Variants in FARS2 observed in about 807,000 individuals in gnomAD.
The protein encoded by FARS2 is phenylalanyl-tRNA synthetase 2, mitochondrial, also known as phenylalanine--tRNA ligase, mitochondrial.
Under a neutral mutation model 46.4 loss-of-function variants are expected in FARS2, and 40 were observed. The observed-to-expected ratio is 0.86, with a 90% CI of 0.67 to 1.12. The LOEUF is 1.12. Among genes scored for constraint, FARS2 ranks in the 50% most tolerant of loss-of-function variants. FARS2 has a pLI of 0.00. For missense variants in FARS2, 513 were observed against 567.9 expected (o/e 0.90, Z 0.98); for synonymous variants, 234 against 214.9 (o/e 1.09, Z -0.78).
intron 6 of FARS2, among the ~76,000 whole-genome samples, chr6:5,763,266 A>G (rs1263126344): frequency 6.6e-6 from 1 of 152,166 alleles, no homozygotes; most frequent in Non-Finnish European, 1.5e-5. Flanking sequence ...GGCCTGGGCA[A>G]CATAGCGAGA....
chr6:5,604,771 T>C (rs932557135), intron 5 of FARS2, among the ~76,000 whole-genome samples: 5 of 80,118 alleles, frequency 6.2e-5, no homozygotes, highest in Middle Eastern at 0.01. Flanking sequence ...TAAAGTATGA[T>C]TTTTTGTATT....
At chr6:5,621,067 G>A (rs935510585) in intron 6 of FARS2, among the ~76,000 whole-genome samples, 3 of 152,168 alleles carry the variant, frequency 2.0e-5, no homozygotes, top group Non-Finnish European at 2.9e-5. Context: ...GAAAACATTG[G>A]GCTAATTGCT....
intron 4 of FARS2, among the ~76,000 whole-genome samples, chr6:5,502,352 A>G (rs1302338099): frequency 6.6e-6 from 1 of 152,242 alleles, no homozygotes; most frequent in African/African-American, 2.4e-5. Flanking sequence ...GTCACATTTT[A>G]TAGGGTATAC....
intron 1 of FARS2, among the ~76,000 whole-genome samples, chr6:5,262,504 C>G (rs925778119): frequency 2.4e-4 from 37 of 152,170 alleles, no homozygotes; most frequent in Non-Finnish European, 1.8e-4. Context: ...GTCTCGAACT[C>G]CTGACCTCAG....
At chr6:5,340,540 A>G (rs1341147610) in intron 1 of FARS2, among the ~76,000 whole-genome samples, 1 of 152,234 alleles carries the variant, frequency 6.6e-6, no homozygotes, top group Admixed American at 6.5e-5. Flanking sequence ...TTCCTTAAAA[A>G]TCAATCAGAA....
At chr6:5,745,526 A>T (rs1761586130) in intron 6 of FARS2, among the ~76,000 whole-genome samples, 1 of 152,202 alleles carries the variant, frequency 6.6e-6, no homozygotes, top group Non-Finnish European at 1.5e-5. Context: ...CAAAGAAGAG[A>T]ATAAATCAAT....
chr6:5,384,212 C>A (rs773525674), intron 2 of FARS2, among the ~76,000 whole-genome samples: 5 of 152,128 alleles, frequency 3.3e-5, no homozygotes, highest in Non-Finnish European at 5.9e-5. Context: ...TCTGTAGAGG[C>A]CAGAGCTTGG....
intron 6 of FARS2, among the ~76,000 whole-genome samples, chr6:5,680,193 T>G (rs1192534192): frequency 1.1e-4 from 16 of 152,226 alleles, no homozygotes; most frequent in Admixed American, 7.2e-4. Flanking sequence ...AGAGCACTTG[T>G]GTGTGCTTGG....
chr6:5,456,568 C>T (rs2150285940), intron 4 of FARS2, among the ~76,000 whole-genome samples: 1 of 151,948 alleles, frequency 6.6e-6, no homozygotes, highest in South Asian at 2.1e-4. Flanking sequence ...CCCACCTCTA[C>T]TAAAAGCACA....
chr6:5,539,396 A>ATATATATATATATATATATG (rs1024662143), intron 4 of FARS2, among the ~76,000 whole-genome samples: 34 of 136,432 alleles, frequency 2.5e-4, no homozygotes, highest in African/African-American at 4.2e-4. Flanking sequence ...ATATATATAT[A>ATATATATATATATATATATG]TATGTATATA....
chr6:5,661,084 G>C (rs1219156989), intron 6 of FARS2, among the ~76,000 whole-genome samples: 2 of 152,234 alleles, frequency 1.3e-5, no homozygotes, highest in African/African-American at 4.8e-5. Flanking sequence ...TTCCAACTGA[G>C]GTTGTGGCGA....
chr6:5,640,460 G>A (rs972491888), intron 6 of FARS2, among the ~76,000 whole-genome samples: 1 of 152,154 alleles, frequency 6.6e-6, no homozygotes, highest in Admixed American at 6.5e-5. Context: ...GCACCTAAAT[G>A]TTACTCCTTC....
intron 5 of FARS2, among the ~76,000 whole-genome samples, chr6:5,593,668 CT>C (rs1223460795): frequency 2.0e-5 from 3 of 152,146 alleles, no homozygotes; most frequent in Non-Finnish European, 4.4e-5. Context: ...CCGCAAACCA[CT>C]TTGAATCCTT....
chr6:5,580,530 CA>C (rs992363927), intron 5 of FARS2, among the ~76,000 whole-genome samples: 7 of 152,148 alleles, frequency 4.6e-5, no homozygotes, highest in African/African-American at 1.7e-4. Flanking sequence ...CCCAGATACC[CA>C]CATGGCCAGC....
chr6:5,755,611 T>A (rs1200242241), intron 6 of FARS2, among the ~76,000 whole-genome samples: 1 of 152,246 alleles, frequency 6.6e-6, no homozygotes, highest in East Asian at 1.9e-4. Flanking sequence ...GTACTTTTTT[T>A]ATTGTTCTTG....
At chr6:5,364,976 G>A (rs1758553536) in intron 1 of FARS2, among the ~76,000 whole-genome samples, 1 of 151,964 alleles carries the variant, frequency 6.6e-6, no homozygotes, top group South Asian at 2.1e-4. Context: ...TTGAGTCTGG[G>A]AGGTTGATGC....
intron 1 of FARS2, among the ~76,000 whole-genome samples, chr6:5,295,137 G>C (rs1003952461): frequency 2.0e-5 from 3 of 152,202 alleles, no homozygotes; most frequent in Admixed American, 2.0e-4. Context: ...CGAGGCAGCA[G>C]TCTGTGGAGA....
intron 6 of FARS2, among the ~76,000 whole-genome samples, chr6:5,688,496 A>G (rs1055434768): frequency 1.3e-5 from 2 of 152,176 alleles, no homozygotes; most frequent in Non-Finnish European, 2.9e-5. Context: ...TATATGCTGG[A>G]TTACGTTTAT....
At position 5,609,847 on chromosome 6, in the gene FARS2, T is replaced by C. The variant is rs921695325; in HGVS notation, c.1066-3322T>C. The C allele has an allele frequency of 1.3e-5, 13 of 1,030,960 alleles. No homozygotes were observed. The Admixed American group carries it at 1.9e-4, about 15-fold the overall frequency. The allele number at this position is 1,030,960 out of a possible 1,614,324, so 63.9% of individuals were successfully genotyped here. On this transcript the variant is annotated intron_variant, in intron 5 of 6. Transcript: ENST00000274680. ...CTCTTCAAAATAATCTCTTAGGTGA[T>C]GTTCTTCAGTGTCTTTAATGCCACC...
Sources: allele counts gnomAD v4.1 joint callset (sites outside exome capture counted in the v4.1 genomes callset), GRCh38; gene constraint gnomAD v4.1.1; transcripts MANE v1.5; gene names NCBI Gene and HGNC (gene_info 2026-07-23, HGNC 2026-07-21).